PDE10A: variants seen among roughly 807,000 people sequenced by gnomAD.
The protein encoded by PDE10A is cAMP and cAMP-inhibited cGMP 3',5'-cyclic phosphodiesterase 10A.
A neutral mutation model predicts 97.7 loss-of-function variants in PDE10A; 39 were observed. The ratio of observed to expected loss-of-function variants is 0.40; its 90% CI spans 0.31 to 0.52. The LOEUF is 0.52. Ranked by LOEUF, PDE10A falls within the 20% of genes least tolerant of loss-of-function variation. PDE10A has a pLI of 0.56. For synonymous variants in PDE10A, 371 were observed against 376.8 expected (o/e 0.98, Z 0.18); for missense variants, 731 against 1,047.8 (o/e 0.70, Z 4.17).
intron 2 of PDE10A, among the ~76,000 whole-genome samples, chr6:165,485,369 G>A (rs1017520264): frequency 6.6e-6 from 1 of 150,790 alleles, no homozygotes; most frequent in African/African-American, 2.4e-5. Flanking sequence ...TCTGGAGGCT[G>A]AGGCAGGAGA....
chr6:165,335,074 C>T (rs1781570504), intron 21 of PDE10A, among the ~76,000 whole-genome samples: 1 of 152,202 alleles, frequency 6.6e-6, no homozygotes, highest in Non-Finnish European at 1.5e-5. Context: ...ACACGCACAG[C>T]TGCTGGCTAT....
intron 1 of PDE10A, among the ~76,000 whole-genome samples, chr6:165,935,963 A>G (rs1323382772): frequency 6.6e-6 from 1 of 152,248 alleles, no homozygotes; most frequent in African/African-American, 2.4e-5. Flanking sequence ...CAAGTCTATG[A>G]TATTTTGTTA....
At chr6:165,667,046 A>G (rs1283612504), upstream of PDE10A, among the ~76,000 whole-genome samples, 1 of 152,244 alleles carries the variant, frequency 6.6e-6, no homozygotes, top group South Asian at 2.1e-4. Flanking sequence ...GTGTTGTTAT[A>G]GTCAAACCTA....
intron 1 of PDE10A, among the ~76,000 whole-genome samples, chr6:165,555,524 G>T (rs1288880015): frequency 6.6e-6 from 1 of 152,088 alleles, no homozygotes; most frequent in Non-Finnish European, 1.5e-5. Flanking sequence ...GAAATATTAT[G>T]AAATTAAGAT....
At chr6:165,368,096 A>G (rs1257685661) in intron 18 of PDE10A, among the ~76,000 whole-genome samples, 1 of 152,122 alleles carries the variant, frequency 6.6e-6, no homozygotes. Flanking sequence ...CCCGGGTTCA[A>G]GCGATTTTCC....
chr6:165,683,855 C>T (rs1409863939), intron 1 of PDE10A, among the ~76,000 whole-genome samples: 2 of 152,190 alleles, frequency 1.3e-5, no homozygotes, highest in Non-Finnish European at 2.9e-5. Context: ...CACCTCTCCA[C>T]GACTTCCATG....
intron 19 of PDE10A, among the ~76,000 whole-genome samples, chr6:165,342,769 TCTA>T (rs1782049805): frequency 6.6e-6 from 1 of 152,234 alleles, no homozygotes; most frequent in South Asian, 2.1e-4. Flanking sequence ...AGAATGATAT[TCTA>T]CTTACTTACA....
At chr6:165,402,224 T>G (rs1786724372) in intron 13 of PDE10A, among the ~76,000 whole-genome samples, 1 of 152,120 alleles carries the variant, frequency 6.6e-6, no homozygotes, top group African/African-American at 2.4e-5. Context: ...TTTCTATTAT[T>G]TTTACAATTT....
intron 1 of PDE10A, among the ~76,000 whole-genome samples, chr6:165,905,676 G>GAA (rs149215921): frequency 5.4e-5 from 8 of 148,136 alleles, no homozygotes; most frequent in East Asian, 2.0e-4. Flanking sequence ...TTTTTTAACT[G>GAA]AAAAAAAAAC....
intron 1 of PDE10A, among the ~76,000 whole-genome samples, chr6:165,577,712 G>T (rs1785388277): frequency 6.6e-6 from 1 of 152,196 alleles, no homozygotes; most frequent in African/African-American, 2.4e-5. Flanking sequence ...GACTAGAGCA[G>T]CCCTCATGCA....
intron 18 of PDE10A, among the ~76,000 whole-genome samples, chr6:165,344,763 C>A (rs991129068): frequency 6.6e-6 from 1 of 152,150 alleles, no homozygotes; most frequent in Non-Finnish European, 1.5e-5. Context: ...AAGGAATCAT[C>A]AGTTTTACTA....
At chr6:165,567,984 G>A (rs978291454) in intron 1 of PDE10A, among the ~76,000 whole-genome samples, 2 of 134,374 alleles carry the variant, frequency 1.5e-5, no homozygotes, top group African/African-American at 2.6e-5. Context: ...CAATAGGTAC[G>A]CAACAAGGCA....
intron 1 of PDE10A, among the ~76,000 whole-genome samples, chr6:165,933,987 CCT>C (rs1783236701): frequency 6.6e-6 from 1 of 150,636 alleles, no homozygotes; most frequent in African/African-American, 2.5e-5. Context: ...GCATCAATTC[CCT>C]TTTTTTTTTT....
At chr6:165,442,920 C>T (rs1334420159) in intron 5 of PDE10A, among the ~76,000 whole-genome samples, 1 of 151,872 alleles carries the variant, frequency 6.6e-6, no homozygotes, top group Non-Finnish European at 1.5e-5. Context: ...ACCAGCCTGG[C>T]CAACATGCCA....
chr6:165,591,210 C>T (rs538882613), intron 1 of PDE10A, among the ~76,000 whole-genome samples: 1 of 152,226 alleles, frequency 6.6e-6, no homozygotes, highest in East Asian at 1.9e-4. Flanking sequence ...TGTGTTGCAG[C>T]CGTATCTATA....
chr6:165,964,892 G>A (rs1268717932), intron 1 of PDE10A, among the ~76,000 whole-genome samples: 2 of 152,164 alleles, frequency 1.3e-5, no homozygotes, highest in Non-Finnish European at 2.9e-5. Flanking sequence ...AGACATGACC[G>A]TGCTTGTTAA....
chr6:165,546,408 G>A (rs538659025), intron 1 of PDE10A, among the ~76,000 whole-genome samples: 14 of 152,022 alleles, frequency 9.2e-5, no homozygotes, highest in African/African-American at 1.7e-4. Context: ...AAACTATCAC[G>A]TATGTAAATT....
At chr6:165,822,260 G>A (rs1051134226) in intron 1 of PDE10A, among the ~76,000 whole-genome samples, 3 of 150,740 alleles carry the variant, frequency 2.0e-5, no homozygotes, top group South Asian at 2.1e-4. Context: ...CACCTGGATG[G>A]CACAGTCCAC....
At position 165,339,369 on chromosome 6, in the gene PDE10A, T is replaced by C; in HGVS notation, c.2896-11A>G. On this transcript the variant is annotated splice_polypyrimidine_tract_variant and intron_variant, in intron 19 of 21. Transcript: ENST00000539869. ...CTTCATTTCATCACCCTAAGATGAA[T>C]GGGGAGAAAATCATGCTTTCTCAAA... 1 of 1,491,028 alleles carries C rather than the reference T, an allele frequency of 6.7e-7. No individual in the cohort carries two copies. The highest frequency in any genetic ancestry group is 9.4e-7 in the Non-Finnish European group (1 of 1,068,264). 92.4% of individuals were successfully genotyped at this position (1,491,028 alleles called of 1,614,324 possible).
Sources: allele counts gnomAD v4.1 joint callset (sites outside exome capture counted in the v4.1 genomes callset), GRCh38; gene constraint gnomAD v4.1.1; transcripts MANE v1.5; gene names NCBI Gene and HGNC (gene_info 2026-07-23, HGNC 2026-07-21).